The following STMN2 variants were observed in gnomAD, a reference collection of about 807,000 sequenced individuals.
The protein encoded by STMN2 is stathmin 2, also known as stathmin-2.
In STMN2, 2 loss-of-function variants were observed where a neutral mutation model predicts 24.1. That is an observed-to-expected ratio of 0.08 (90% CI 0.03 to 0.26). STMN2 has a LOEUF of 0.26. STMN2 is among the 10% of genes least tolerant of loss of function. The pLI, the probability that STMN2 is intolerant of heterozygous loss-of-function variation, is 1.00. For missense variants in STMN2, 114 were observed against 213.6 expected, an observed-to-expected ratio of 0.53 and a Z score of 2.91; for synonymous variants, 83 against 77.5, an observed-to-expected ratio of 1.07 and a Z score of -0.37.
chr8:79,661,578 A>G (rs1209748183), intron 4 of STMN2, among the ~76,000 whole-genome samples: 5 of 152,160 alleles, frequency 3.3e-5, no homozygotes, highest in Non-Finnish European at 5.9e-5. Context: ...AAAAGGGATT[A>G]AAACTAGCCT....
intron 1 of STMN2, among the ~76,000 whole-genome samples, chr8:79,620,184 TATA>T (rs1414606479): frequency 6.7e-6 from 1 of 148,190 alleles, no homozygotes; most frequent in Admixed American, 6.8e-5. Context: ...TATTATAACA[TATA>T]ATATATATAT....
At chr8:79,625,477 G>A (rs118053270) in intron 1 of STMN2, among the ~76,000 whole-genome samples, 1 of 152,314 alleles carries the variant, frequency 6.6e-6, no homozygotes, top group East Asian at 1.9e-4. Context: ...AAATCAGTCT[G>A]ACCCAAGTTG....
intron 1 of STMN2, chr8:79,613,417 G>T (rs989086262): frequency 7.2e-5 from 71 of 985,318 alleles, no homozygotes; most frequent in Non-Finnish European, 7.6e-5. Context: ...CGGTGCAGCC[G>T]GGGAGACCGG....
chr8:79,652,035 G>A (rs985094427), intron 3 of STMN2, among the ~76,000 whole-genome samples: 13 of 152,246 alleles, frequency 8.5e-5, no homozygotes, highest in Non-Finnish European at 1.8e-4. Flanking sequence ...ATTGCTACCT[G>A]CCTTTAGCAG....
At chr8:79,624,079 A>C (rs2130312240) in intron 1 of STMN2, among the ~76,000 whole-genome samples, 1 of 152,310 alleles carries the variant, frequency 6.6e-6, no homozygotes, top group East Asian at 1.9e-4. Flanking sequence ...AATTTTTCTG[A>C]GAATGAATTT....
At chr8:79,637,282 A>C (rs550172539) in intron 2 of STMN2, among the ~76,000 whole-genome samples, 1 of 152,306 alleles carries the variant, frequency 6.6e-6, no homozygotes, top group Non-Finnish European at 1.5e-5. Context: ...CAACAACCAT[A>C]ATTGTTTTTG....
chr8:79,652,555 A>G (rs1054971263), intron 3 of STMN2, among the ~76,000 whole-genome samples: 1 of 152,074 alleles, frequency 6.6e-6, no homozygotes, highest in African/African-American at 2.4e-5. Context: ...CTTCACACAC[A>G]TGAAATTGCC....
chr8:79,623,134 A>G (rs923323714), intron 1 of STMN2, among the ~76,000 whole-genome samples: 1 of 152,232 alleles, frequency 6.6e-6, no homozygotes, highest in African/African-American at 2.4e-5. Context: ...CGACAAAGAC[A>G]CTAGAGTCAA....
chr8:79,645,954 G>A (rs976243731), intron 3 of STMN2, among the ~76,000 whole-genome samples: 8 of 151,974 alleles, frequency 5.3e-5, no homozygotes, highest in Admixed American at 3.3e-4. Flanking sequence ...GATAGAACTT[G>A]TCTTTTGTTT....
At chr8:79,627,007 C>A (rs1431645678) in intron 1 of STMN2, among the ~76,000 whole-genome samples, 2 of 152,072 alleles carry the variant, frequency 1.3e-5, no homozygotes, top group African/African-American at 4.8e-5. Flanking sequence ...AGACACAAAC[C>A]CAGTCTTAAT....
At chr8:79,661,900 A>G (rs2130400207) in intron 4 of STMN2, among the ~76,000 whole-genome samples, 1 of 152,252 alleles carries the variant, frequency 6.6e-6, no homozygotes, top group African/African-American at 2.4e-5. Flanking sequence ...GCAAGTGCAT[A>G]GTCATTAGTA....
chr8:79,640,317 G>A (rs1287099557), intron 2 of STMN2, among the ~76,000 whole-genome samples: 2 of 152,174 alleles, frequency 1.3e-5, no homozygotes, highest in African/African-American at 2.4e-5. Context: ...CTGCTTCCGT[G>A]AGTTCAACTT....
chr8:79,613,366 C>A, intron 1 of STMN2: 1 of 984,900 alleles, frequency 1.0e-6, no homozygotes, highest in Non-Finnish European at 1.2e-6. Flanking sequence ...CCCCGCGCCG[C>A]GCCCTGCGCT....
intron 3 of STMN2, among the ~76,000 whole-genome samples, chr8:79,643,882 G>C (rs1810163127): frequency 6.6e-6 from 1 of 151,734 alleles, no homozygotes; most frequent in Non-Finnish European, 1.5e-5. Context: ...CACCTTTCCA[G>C]TTATTTGTTA....
chr8:79,643,220 T>C (rs965624196), intron 3 of STMN2, among the ~76,000 whole-genome samples: 2 of 141,782 alleles, frequency 1.4e-5, no homozygotes, highest in Non-Finnish European at 3.1e-5. Context: ...CCTGAGCTAC[T>C]AACTCGACTA....
At chr8:79,657,450 C>G (rs1806400936) in intron 4 of STMN2, among the ~76,000 whole-genome samples, 1 of 152,138 alleles carries the variant, frequency 6.6e-6, no homozygotes. Context: ...TGACATCAAC[C>G]CACAGAATCT....
chr8:79,637,577 A>G (rs1269217163), intron 2 of STMN2, among the ~76,000 whole-genome samples: 1 of 152,192 alleles, frequency 6.6e-6, no homozygotes, highest in African/African-American at 2.4e-5. Context: ...ATTTAACTCT[A>G]GCATCTTCCT....
chr8:79,634,821 A>G (rs1385444986), intron 1 of STMN2, among the ~76,000 whole-genome samples: 1 of 152,142 alleles, frequency 6.6e-6, no homozygotes, highest in Non-Finnish European at 1.5e-5. Context: ...GCACCTGTCA[A>G]TAATGCCCAA....
intron 1 of STMN2, among the ~76,000 whole-genome samples, chr8:79,636,104 C>A (rs1314670503): frequency 6.6e-6 from 1 of 152,006 alleles, no homozygotes; most frequent in Non-Finnish European, 1.5e-5. Flanking sequence ...GTAGTCCCAG[C>A]TAATGGGGAG....
Sources: allele counts gnomAD v4.1 joint callset (sites outside exome capture counted in the v4.1 genomes callset), GRCh38; gene constraint gnomAD v4.1.1; transcripts MANE v1.5; gene names NCBI Gene and HGNC (gene_info 2026-07-23, HGNC 2026-07-21).